The following MBNL2 variants were observed in gnomAD, a reference collection of about 807,000 sequenced individuals.
The protein encoded by MBNL2 is muscleblind like splicing regulator 2.
MBNL2 carries 17 observed loss-of-function variants against 41.9 expected under a neutral mutation model. That is an observed-to-expected ratio of 0.41 (90% confidence interval 0.28 to 0.61). The LOEUF is 0.61. MBNL2 is among the 20% of genes least tolerant of loss of function. The pLI is 0.35. For missense variants in MBNL2, 336 were observed against 505.6 expected (o/e 0.66, Z 3.22); for synonymous variants, 195 against 182.9 (o/e 1.07, Z -0.53).
At chr13:97,244,627 T>C (rs2045070805) in intron 1 of MBNL2, among the ~76,000 whole-genome samples, 1 of 152,232 alleles carries the variant, frequency 6.6e-6, no homozygotes, top group Non-Finnish European at 1.5e-5. Context: ...GACTTTGTAA[T>C]CTCATTCTTT....
chr13:97,161,314 G>A, the MBNL2 span, among the ~76,000 whole-genome samples: 1 of 152,128 alleles, frequency 6.6e-6, no homozygotes, highest in Non-Finnish European at 1.5e-5. Flanking sequence ...CATTCTCATT[G>A]CTTACCCATT....
Position 97,392,367 on chromosome 13 carries a change from A to C in MBNL2, c.*918A>C, listed in dbSNP as rs1212248288. 2.0e-5 allele frequency: 3 copies of C among 152,606 alleles called. No homozygotes were observed. Among genetic ancestry groups the C allele is most frequent in the Non-Finnish European group, 2.9e-5 (2 of 68,008 alleles). The allele number at this position is 152,606 out of a possible 1,614,324, so 9.5% of individuals were successfully genotyped here. A position where few individuals can be genotyped will look rare whatever the true frequency, so the allele number is the denominator to read the frequency against. On this transcript the variant is annotated 3_prime_UTR_variant, in exon 9 of 9. Transcript: ENST00000679496. The stretch of plus-strand genomic sequence containing the variant: ...TCACTGCAAATTTGACTGTGACTTT[A>C]ATCTAAATTACTATGTAAACAAAAA...
At chr13:97,200,799 TCA>T in the MBNL2 span, among the ~76,000 whole-genome samples, 1 of 152,200 alleles carries the variant, frequency 6.6e-6, no homozygotes, top group Non-Finnish European at 1.5e-5. Context: ...AGGAAGCATG[TCA>T]CTCTACCCTC....
chr13:97,378,474 G>A (rs896585637), intron 8 of MBNL2, among the ~76,000 whole-genome samples: 10 of 152,200 alleles, frequency 6.6e-5, no homozygotes, highest in African/African-American at 2.4e-4. Flanking sequence ...TGATTATCAT[G>A]AGCTGGTGGC....
chr13:97,361,045 G>A lies in MBNL2; in HGVS notation c.1012+3410G>A, dbSNP rs568738717. ...ATTCATTAAAACATACCTTGAACCC[G>A]TGGTATGTTCTGGGTTCCAGAGCCA... On this transcript the variant is annotated intron_variant, in intron 7 of 8. Transcript: ENST00000679496. Among the ~76,000 whole-genome samples the A allele has an allele frequency of 7.2e-5, 11 of 152,268 alleles. 2 individuals carry two copies. The South Asian group carries it at 2.3e-3, about 32-fold the overall frequency.
intron 1 of MBNL2, among the ~76,000 whole-genome samples, chr13:97,229,058 C>G (rs1485272364): frequency 6.7e-6 from 1 of 150,234 alleles, no homozygotes; most frequent in Admixed American, 6.6e-5. Context: ...TTGAGTAGAG[C>G]CCAACCCAAG....
chr13:97,284,760 G>A (rs1247164446), intron 2 of MBNL2, among the ~76,000 whole-genome samples: 3 of 152,166 alleles, frequency 2.0e-5, no homozygotes, highest in Admixed American at 6.5e-5. Context: ...GTACTGAATC[G>A]AAGAAGGAAT....
intron 2 of MBNL2, among the ~76,000 whole-genome samples, chr13:97,292,321 G>T (rs1160531925): frequency 2.0e-5 from 3 of 152,080 alleles, no homozygotes; most frequent in Admixed American, 6.6e-5. Flanking sequence ...GTTCTCTAAG[G>T]CCATTCTTGC....
chr13:97,389,610 G>A (rs2066232105), intron 8 of MBNL2, among the ~76,000 whole-genome samples: 1 of 152,054 alleles, frequency 6.6e-6, no homozygotes, highest in African/African-American at 2.4e-5. Flanking sequence ...GGAGGCTAAA[G>A]TGGGAGGATT....
the MBNL2 span, among the ~76,000 whole-genome samples, chr13:97,166,452 T>C: frequency 1.6e-5 from 1 of 63,484 alleles, no homozygotes; most frequent in African/African-American, 7.4e-5. Context: ...AGTATGGATC[T>C]TGTGTATGTC....
chr13:97,189,732 C>T, the MBNL2 span, among the ~76,000 whole-genome samples: 1 of 152,138 alleles, frequency 6.6e-6, no homozygotes, highest in Non-Finnish European at 1.5e-5. Context: ...TTTTGGTCTT[C>T]TTGGCTCATC....
At chr13:97,386,220 C>T (rs569648611) in intron 8 of MBNL2, among the ~76,000 whole-genome samples, 5 of 152,320 alleles carry the variant, frequency 3.3e-5, no homozygotes, top group East Asian at 1.9e-4. Context: ...TTGCCTGTAG[C>T]GTTGGCTGAT....
rs576368007 is a variant in MBNL2, at chr13:97,297,192, T to C, written c.174+20783T>C. 2.0e-5 allele frequency among the ~76,000 whole-genome samples: 3 copies of C among 152,360 alleles called. No individual in the cohort carries two copies. The South Asian group carries it at 6.2e-4, about 32-fold the overall frequency. ...TCCTCCATCTCTGCCTTCATTCATT[T>C]ATGTCATGGGCATTTATTGAGGGCC... On this transcript the variant is annotated intron_variant, in intron 2 of 8. Coordinates refer to ENST00000679496, the MANE Select transcript of MBNL2 (RefSeq NM_001382683.1).
rs765891018 is a variant in MBNL2, at chr13:97,302,468, C to T, written c.174+26059C>T. Among the ~76,000 whole-genome samples the T allele has an allele frequency of 3.3e-4, 51 of 152,266 alleles. No homozygotes were observed. The Middle Eastern group carries it at 0.01, about 30-fold the overall frequency. On this transcript the variant is annotated intron_variant, in intron 2 of 8. Transcript: ENST00000679496. Reference sequence around the variant, plus strand: ...TAGGAAAATGATAGGAGAGAATGGACGTAATCTGGTAATCTAGAGTGGTAA... The same window carrying T: ...TAGGAAAATGATAGGAGAGAATGGATGTAATCTGGTAATCTAGAGTGGTAA...
chr13:97,212,213 C>T, the MBNL2 span, among the ~76,000 whole-genome samples: 2 of 152,152 alleles, frequency 1.3e-5, no homozygotes, highest in Non-Finnish European at 1.5e-5. Context: ...AAGTCCCTCC[C>T]ACATGAACGT....
the MBNL2 span, among the ~76,000 whole-genome samples, chr13:97,184,571 C>A: frequency 6.6e-6 from 1 of 152,198 alleles, no homozygotes; most frequent in African/African-American, 2.4e-5. Context: ...CAACCTCCAC[C>A]TCCTGGGTTC....
At chr13:97,293,969 A>C (rs1014345797) in intron 2 of MBNL2, among the ~76,000 whole-genome samples, 8 of 151,876 alleles carry the variant, frequency 5.3e-5, no homozygotes, top group African/African-American at 1.7e-4. Context: ...CTTTCCCCCG[A>C]GTCCCCAATT....
chr13:97,346,849 G>T lies in MBNL2; in HGVS notation c.586G>T (p.Asp196Tyr). 1 of 1,614,038 alleles carries T rather than the reference G, an allele frequency of 6.2e-7. No individual in the cohort carries two copies. Among genetic ancestry groups the T allele is most frequent in the Non-Finnish European group, 8.5e-7 (1 of 1,179,908 alleles). Residue 196 changes from aspartate to tyrosine, a missense_variant, in exon 5 of 9, where the codon GAC becomes TAC. Coordinates refer to ENST00000679496, the MANE Select transcript of MBNL2 (RefSeq NM_001382683.1). This position sits in a 1 kb window ranked among gnomAD's most constrained non-coding sequence, Gnocchi z 4.2. Reference sequence around the variant, plus strand: ...AGGAAACTGTGCCCGGGGAGAGACCGACTGCCGCTTTGCACACCCCGCAGA... The same window carrying T: ...AGGAAACTGTGCCCGGGGAGAGACCTACTGCCGCTTTGCACACCCCGCAGA... Reference protein sequence around the residue: ...QRGNCARGETDCRFAHPADST... With the variant: ...QRGNCARGETYCRFAHPADST...
At chr13:97,367,820 T>C (rs1005928711) in intron 8 of MBNL2, among the ~76,000 whole-genome samples, 2 of 152,164 alleles carry the variant, frequency 1.3e-5, no homozygotes, top group Non-Finnish European at 1.5e-5. Context: ...ACCTCTAAAA[T>C]GCCAACCGGT....
Sources: gnomAD v4.1 joint callset for allele counts (sites outside exome capture counted in the v4.1 genomes callset) on GRCh38, gnomAD v4.1.1 for gene constraint, Gnocchi (gnomAD v3.1) non-coding constraint, MANE v1.5 for transcripts, NCBI Gene and HGNC (gene_info 2026-07-23, HGNC 2026-07-21) for gene names.